Variants in AGO2 observed in about 807,000 individuals in gnomAD.
AGO2 encodes the protein argonaute RISC catalytic component 2, also known as protein argonaute-2.
AGO2 carries 5 observed loss-of-function variants against 102.3 expected under a neutral mutation model. The ratio of observed to expected loss-of-function variants is 0.05; its 90% CI spans 0.03 to 0.10. AGO2 has a LOEUF of 0.10. Ranked by LOEUF, AGO2 falls within the 10% of genes least tolerant of loss-of-function variation. The pLI, the probability that AGO2 is intolerant of heterozygous loss-of-function variation, is 1.00. For synonymous variants in AGO2, 449 were observed against 473.1 expected, an observed-to-expected ratio of 0.95 and a Z score of 0.66; for missense variants, 541 against 1,183.7, an observed-to-expected ratio of 0.46 and a Z score of 7.97.
At chr8:140,553,359 G>C (rs12542201) in intron 10 of AGO2, among the ~76,000 whole-genome samples, 53,801 of 151,300 alleles carry the variant, frequency 0.36, 10,067 homozygotes, top group East Asian at 0.58. Flanking sequence ...ACTGGAGCCA[G>C]GGCAACAGAG....
intron 3 of AGO2, among the ~76,000 whole-genome samples, chr8:140,571,717 T>C (rs1337702851): frequency 1.3e-5 from 2 of 152,222 alleles, no homozygotes; most frequent in Non-Finnish European, 2.9e-5. Flanking sequence ...TGGTTTCTGA[T>C]GTGTTTGCTT....
rs767324653 is a variant in AGO2, at chr8:140,532,082, C to T, written c.2542G>A (p.Val848Ile). 12 of 1,614,134 alleles carry T rather than the reference C, an allele frequency of 7.4e-6. No homozygotes were observed. The highest frequency in any genetic ancestry group is 9.3e-6 in the Non-Finnish European group (11 of 1,180,016). ...DHQALAKAVQ[V>I]HQDTLRTMYF... The stretch of plus-strand genomic sequence containing the variant: ...ATGGTGCGCAGAGTGTCTTGGTGAA[C>T]CTGGACCGCCTTGGCCAGTGCTTGG... The change falls in exon 19 of 19, where the codon GTT becomes ATT. Residue 848 changes from valine to isoleucine, a missense_variant. Physicochemically the swap from Val to Ile is conservative, Grantham distance 29. Transcript: ENST00000220592.
intron 1 of AGO2, chr8:140,592,501 T>C (rs1175490318): frequency 6.6e-6 from 1 of 152,232 alleles, no homozygotes; most frequent in Non-Finnish European, 1.5e-5. Context: ...CACAGATGAA[T>C]AAAAGAATAT....
At chr8:140,620,662 T>C (rs1465699102) in intron 1 of AGO2, among the ~76,000 whole-genome samples, 4 of 151,948 alleles carry the variant, frequency 2.6e-5, no homozygotes, top group African/African-American at 9.7e-5. Context: ...GCTCAGGAGT[T>C]TGAGACCAGC....
chr8:140,551,445 G>A lies in AGO2; in HGVS notation c.1270-9C>T. ...GTCGCAATAGCTTTATTCTGCAAATGGCAAAAGGTTCAGGGTGAGAAAAAA... is the reference window on the plus strand; with the variant it reads ...GTCGCAATAGCTTTATTCTGCAAATAGCAAAAGGTTCAGGGTGAGAAAAAA... On this transcript the variant is annotated splice_polypyrimidine_tract_variant and intron_variant, in intron 10 of 18. Coordinates refer to ENST00000220592, the MANE Select transcript of AGO2 (RefSeq NM_012154.5). 1 of 1,547,448 alleles carries A rather than the reference G, an allele frequency of 6.5e-7. No individual in the cohort carries two copies. Among genetic ancestry groups the A allele is most frequent in the Non-Finnish European group, 8.8e-7 (1 of 1,139,078 alleles).
Position 140,557,631 on chromosome 8 carries a change from C to A in AGO2, c.879-395G>T, listed in dbSNP as rs535009725. On this transcript the variant is annotated intron_variant, in intron 7 of 18. Transcript: ENST00000220592. This position sits in a 1 kb window ranked among gnomAD's most constrained non-coding sequence, Gnocchi z 5.9. ...AAGGCCTGAAGCCCCCAGGACAGGA[C>A]GAGGAAAGCAGGCCAGGCCGGTTCC... Among the ~76,000 whole-genome samples the A allele has an allele frequency of 6.6e-6, 1 of 152,198 alleles. No homozygotes were observed. Among genetic ancestry groups the A allele is most frequent in the Non-Finnish European group, 1.5e-5 (1 of 68,042 alleles).
chr8:140,613,719 C>T (rs1674776976), intron 1 of AGO2, among the ~76,000 whole-genome samples: 1 of 152,126 alleles, frequency 6.6e-6, no homozygotes, highest in Non-Finnish European at 1.5e-5. Context: ...TTCTATCACA[C>T]TATAAAGAAC....
intron 4 of AGO2, 55 bp from the exon 5 acceptor site, chr8:140,560,565 C>G: frequency 6.4e-7 from 1 of 1,573,804 alleles, no homozygotes; most frequent in South Asian, 1.1e-5. Flanking sequence ...CCGGAAGGAA[C>G]AGCTGCCTCT....
intron 1 of AGO2, among the ~76,000 whole-genome samples, chr8:140,612,205 A>G (rs2074087764): frequency 1.7e-5 from 2 of 116,712 alleles, no homozygotes; most frequent in African/African-American, 3.4e-5. Context: ...CCTGGCCAAG[A>G]GCGAGACTCT....
chr8:140,553,419 T>G (rs1190451305), intron 10 of AGO2, among the ~76,000 whole-genome samples: 1 of 150,558 alleles, frequency 6.6e-6, no homozygotes, highest in Non-Finnish European at 1.5e-5. Flanking sequence ...TTGTTTTTTT[T>G]TTTTTTTGAG....
chr8:140,566,756 G>A (rs2073293567), intron 3 of AGO2, among the ~76,000 whole-genome samples: 1 of 152,190 alleles, frequency 6.6e-6, no homozygotes, highest in Non-Finnish European at 1.5e-5. Flanking sequence ...GGGAGACAGA[G>A]TCTCTATGGG....
intron 2 of AGO2, among the ~76,000 whole-genome samples, chr8:140,576,919 C>T (rs888932294): frequency 6.6e-6 from 1 of 152,066 alleles, no homozygotes; most frequent in East Asian, 1.9e-4. Context: ...TAGAAACACG[C>T]TTGGCGGGCC....
intron 1 of AGO2, among the ~76,000 whole-genome samples, chr8:140,627,421 T>C (rs750957549): frequency 2.0e-5 from 3 of 152,222 alleles, no homozygotes; most frequent in Non-Finnish European, 4.4e-5. Flanking sequence ...AGCTGCAAGA[T>C]GAAAGTTTCT....
At position 140,585,295 on chromosome 8, in the gene AGO2, C is replaced by T. The variant is rs1053018290; in HGVS notation, c.39G>A (p.Ala13=). ...CATATCCTTGGATGGGGGGCGGCGGCGCAGGAGGTGCAAGTGCTGGAATGG... is the reference window on the plus strand; with the variant it reads ...CATATCCTTGGATGGGGGGCGGCGGTGCAGGAGGTGCAAGTGCTGGAATGG... ...SGAGPALAPP[A]PPPPIQGYAF... The change falls in exon 2 of 19, where the codon GCG becomes GCA. Residue 13 remains alanine, a synonymous_variant. Transcript: ENST00000220592. 12 of 1,613,582 alleles carry T rather than the reference C, an allele frequency of 7.4e-6. No individual in the cohort carries two copies. The highest frequency in any genetic ancestry group is 6.7e-5 in the Admixed American group (4 of 59,946).
At chr8:140,591,044 G>A (rs1216953197) in intron 1 of AGO2, among the ~76,000 whole-genome samples, 6 of 152,324 alleles carry the variant, frequency 3.9e-5, no homozygotes, top group South Asian at 4.1e-4. Flanking sequence ...AGGCTGGGTC[G>A]GAATGAAGGA....
At position 140,557,404 on chromosome 8, in the gene AGO2, G is replaced by A. The variant is rs1373685667; in HGVS notation, c.879-168C>T. 6.6e-6 allele frequency among the ~76,000 whole-genome samples: 1 copy of A among 152,174 alleles called. No individual in the cohort carries two copies. Among genetic ancestry groups the A allele is most frequent in the Non-Finnish European group, 1.5e-5 (1 of 68,026 alleles). On this transcript the variant is annotated intron_variant, in intron 7 of 18. Coordinates refer to ENST00000220592, the MANE Select transcript of AGO2 (RefSeq NM_012154.5). This position sits in a 1 kb window ranked among gnomAD's most constrained non-coding sequence, Gnocchi z 5.9. Reference sequence around the variant, plus strand: ...GCTTTGGGTTATCTGGAATGTTTCTGAGCCCCTAAATTCTCATTTTGTTTC... The same window carrying A: ...GCTTTGGGTTATCTGGAATGTTTCTAAGCCCCTAAATTCTCATTTTGTTTC...
At chr8:140,594,255 T>C (rs2133036035) in intron 1 of AGO2, among the ~76,000 whole-genome samples, 1 of 152,234 alleles carries the variant, frequency 6.6e-6, no homozygotes, top group East Asian at 1.9e-4. Flanking sequence ...GTCGGAACAA[T>C]TTTCTGAATA....
intron 1 of AGO2, among the ~76,000 whole-genome samples, chr8:140,607,458 TTATATATATA>T (rs1167371585): frequency 0.014 from 941 of 69,150 alleles, 22 homozygotes; most frequent in East Asian, 0.02. Flanking sequence ...TAAAGAAAAA[TTATATATATA>T]TATATATATA....
chr8:140,597,615 G>A (rs1017372626), intron 1 of AGO2, among the ~76,000 whole-genome samples: 2 of 151,832 alleles, frequency 1.3e-5, no homozygotes, highest in African/African-American at 4.8e-5. Context: ...ACTCCTGTCA[G>A]CTTCAGCCTC....
Sources: allele counts gnomAD v4.1 joint callset (sites outside exome capture counted in the v4.1 genomes callset), GRCh38; gene constraint gnomAD v4.1.1; non-coding constraint Gnocchi (gnomAD v3.1); transcripts MANE v1.5; gene names NCBI Gene and HGNC (gene_info 2026-07-23, HGNC 2026-07-21).